Variants in COL23A1 observed in about 807,000 individuals in gnomAD.
The protein encoded by COL23A1 is collagen alpha-1(XXIII) chain.
In COL23A1, 97 loss-of-function variants were observed where a neutral mutation model predicts 99.3. The ratio of observed to expected loss-of-function variants is 0.98; its 90% CI spans 0.83 to 1.16. The LOEUF is 1.16. Ranked by LOEUF, COL23A1 falls within the 50% of genes most tolerant of loss-of-function variation. The probability of loss-of-function intolerance (pLI) is 0.00; values close to 1 mark genes in which losing one functional copy is unlikely to be tolerated. For synonymous variants in COL23A1, 320 were observed against 308.2 expected (o/e 1.04, Z -0.40); for missense variants, 762 against 757.4 (o/e 1.01, Z -0.07).
intron 18 of COL23A1, 63 bp downstream of exon 18, chr5:178,249,998 C>T: frequency 1.3e-6 from 2 of 1,566,590 alleles, no homozygotes; most frequent in Non-Finnish European, 1.8e-6. Flanking sequence ...CACACACACA[C>T]ACACACACAC....
At chr5:178,583,529 G>T (rs1248825701) in intron 1 of COL23A1, among the ~76,000 whole-genome samples, 1 of 152,200 alleles carries the variant, frequency 6.6e-6, no homozygotes, top group Non-Finnish European at 1.5e-5. Flanking sequence ...CGCCCATCGA[G>T]AGGCTGCCCT....
chr5:178,529,195 T>G (rs1433035625), intron 2 of COL23A1, among the ~76,000 whole-genome samples: 1 of 152,220 alleles, frequency 6.6e-6, no homozygotes, highest in Admixed American at 6.5e-5. Flanking sequence ...CTGGGCTTCT[T>G]TACGTCTGGG....
At chr5:178,335,064 G>A (rs975556984) in intron 2 of COL23A1, among the ~76,000 whole-genome samples, 9 of 152,244 alleles carry the variant, frequency 5.9e-5, no homozygotes, top group Non-Finnish European at 1.3e-4. Context: ...GGGGAGCCTG[G>A]TAAGTGGGAA....
intron 25 of COL23A1, among the ~76,000 whole-genome samples, chr5:178,242,871 G>A (rs191684190): frequency 6.6e-6 from 1 of 152,276 alleles, no homozygotes; most frequent in East Asian, 1.9e-4. Context: ...ACTAGGAACC[G>A]GGCTGTTGGC....
chr5:178,347,889 AAAAAAAAAC>A (rs1561884045), intron 2 of COL23A1, among the ~76,000 whole-genome samples: 7 of 118,970 alleles, frequency 5.9e-5, no homozygotes, highest in Admixed American at 8.7e-5. Flanking sequence ...CAAAAAAAAA[AAAAAAAAAC>A]CCAAAAAAAC....
intron 3 of COL23A1, among the ~76,000 whole-genome samples, chr5:178,304,169 G>A (rs937085513): frequency 5.3e-5 from 8 of 152,064 alleles, no homozygotes; most frequent in South Asian, 2.1e-4. Flanking sequence ...GGCCTGCAGC[G>A]GCCTCAGGGA....
chr5:178,589,758 G>A lies in COL23A1; in HGVS notation c.294+146C>T, dbSNP rs984462953. ...CCTGCCTCCGCCTTGGCGCAGACGT[G>A]CCCATCTCTGGGACGGCCCCGAGCG... is the stretch of plus-strand genomic sequence containing the variant. On this transcript the variant is annotated intron_variant, in intron 1 of 28. Transcript: ENST00000390654. This position sits in a 1 kb window ranked among gnomAD's most constrained non-coding sequence, Gnocchi z 5.4. 9.0e-5 allele frequency: 72 copies of A among 799,144 alleles called. No homozygotes were observed. The highest frequency in any genetic ancestry group is 1.2e-4 in the Non-Finnish European group (71 of 597,544). The allele number at this position is 799,144 out of a possible 1,614,324, so 49.5% of individuals were successfully genotyped here.
At chr5:178,550,744 G>C (rs1761954857) in intron 2 of COL23A1, among the ~76,000 whole-genome samples, 1 of 152,040 alleles carries the variant, frequency 6.6e-6, no homozygotes, top group African/African-American at 2.4e-5. Flanking sequence ...TCCTGGCATA[G>C]GGGGGCGTGT....
At chr5:178,386,902 T>C (rs563288617) in intron 2 of COL23A1, among the ~76,000 whole-genome samples, 2 of 152,282 alleles carry the variant, frequency 1.3e-5, no homozygotes, top group South Asian at 4.1e-4. Flanking sequence ...GGATGCCTGG[T>C]AACTTCCTCG....
chr5:178,393,097 T>G (rs1213645814), intron 2 of COL23A1, among the ~76,000 whole-genome samples: 1 of 152,214 alleles, frequency 6.6e-6, no homozygotes, highest in Admixed American at 6.5e-5. Flanking sequence ...CTCCCAACCG[T>G]GCATTGTTGC....
Position 178,281,502 on chromosome 5 carries a change from C to T in COL23A1, c.441+6822G>A, listed in dbSNP as rs2973766. On this transcript the variant is annotated intron_variant, in intron 5 of 28. Transcript: ENST00000390654. This position sits in a 1 kb window ranked among gnomAD's most constrained non-coding sequence, Gnocchi z 4.0. The stretch of plus-strand genomic sequence containing the variant: ...CGGAGATGAAGTGCAGTCACCGCTC[C>T]CTCGACTCCAGAGGGGCTTGGGCAC... Among the ~76,000 whole-genome samples, 34,154 of 152,100 alleles carry T rather than the reference C, an allele frequency of 0.22. 5,012 individuals carry two copies. Among genetic ancestry groups the T allele is most frequent in the Non-Finnish European group, 0.33 (22,574 of 67,962 alleles).
chr5:178,588,443 C>T (rs567830810), intron 1 of COL23A1, among the ~76,000 whole-genome samples: 1 of 152,342 alleles, frequency 6.6e-6, no homozygotes, highest in Admixed American at 6.5e-5. Flanking sequence ...AGAGCAGCCA[C>T]ACTTATAGCG....
At chr5:178,459,388 T>G (rs1394213365) in intron 2 of COL23A1, among the ~76,000 whole-genome samples, 1 of 152,152 alleles carries the variant, frequency 6.6e-6, no homozygotes, top group African/African-American at 2.4e-5. Flanking sequence ...GAATTGTGAT[T>G]TAGTAATTGC....
intron 2 of COL23A1, among the ~76,000 whole-genome samples, chr5:178,543,110 GTTT>G (rs1278330892): frequency 7.0e-6 from 1 of 142,624 alleles, no homozygotes. Context: ...TAATTGGCTT[GTTT>G]TTTTTTTTTT....
rs542374763 is a variant in COL23A1, at chr5:178,574,311, T to A, written c.295-13563A>T. Among the ~76,000 whole-genome samples, 5 of 152,352 alleles carry A rather than the reference T, an allele frequency of 3.3e-5. No homozygotes were observed. The East Asian group carries it at 9.6e-4, about 29-fold the overall frequency. ...AATATTCTGTACTTATTGGAGATGC[T>A]GGTCATGGGCGCATATATTTGTCAA... On this transcript the variant is annotated intron_variant, in intron 1 of 28. Transcript: ENST00000390654.
At position 178,337,625 on chromosome 5, in the gene COL23A1, C is replaced by G. The variant is rs1010990935; in HGVS notation, c.362-30706G>C. ...GTGGGCTCTGCCGGGCTGGGGGAGG[C>G]GCTGTAGAGGGGGCAGGAGGTTGGG... is the stretch of plus-strand genomic sequence containing the variant. On this transcript the variant is annotated intron_variant, in intron 2 of 28. Coordinates refer to ENST00000390654, the MANE Select transcript of COL23A1 (RefSeq NM_173465.4). Among the ~76,000 whole-genome samples the G allele has an allele frequency of 2.0e-5, 3 of 151,972 alleles. No individual in the cohort carries two copies. In the South Asian group the frequency reaches 6.2e-4, roughly 32 times the overall value.
intron 1 of COL23A1, among the ~76,000 whole-genome samples, chr5:178,563,035 C>T (rs1023210315): frequency 2.6e-4 from 39 of 152,342 alleles, no homozygotes; most frequent in African/African-American, 9.1e-4. Context: ...CCCAGGAAGT[C>T]CAGCTGGCTT....
rs1390377834 is a variant in COL23A1 at position 178,358,458 on chromosome 5, C to T, written c.362-51539G>A. 1.1e-4 allele frequency among the ~76,000 whole-genome samples: 13 copies of T among 119,538 alleles called. No homozygotes were observed. The South Asian group carries it at 1.4e-3, about 13-fold the overall frequency. The allele number at this position is 119,538 out of a possible 152,430, so 78.4% of individuals were successfully genotyped here. On this transcript the variant is annotated intron_variant, in intron 2 of 28. Transcript: ENST00000390654. ...ATGTGTGTATGTGTGTATATGTATG[C>T]GTATGTGTATGTGCGTATGCGTATA...
At chr5:178,249,270 A>C in intron 18 of COL23A1, 64 bp from the exon 19 acceptor site, 1 of 1,491,894 alleles carries the variant, frequency 6.7e-7, no homozygotes, top group Non-Finnish European at 9.4e-7. Flanking sequence ...TCCCCCCAGC[A>C]GGTCCCCAGA....
Sources: gnomAD v4.1 joint callset for allele counts (sites outside exome capture counted in the v4.1 genomes callset) on GRCh38, gnomAD v4.1.1 for gene constraint, Gnocchi (gnomAD v3.1) non-coding constraint, MANE v1.5 for transcripts, NCBI Gene and HGNC (gene_info 2026-07-23, HGNC 2026-07-21) for gene names.